EDARADD: variants seen among roughly 807,000 people sequenced by gnomAD.
EDARADD encodes ectodysplasin-A receptor-associated adapter protein.
Under a neutral mutation model 25.6 loss-of-function variants are expected in EDARADD, and 20 were observed. The ratio of observed to expected loss-of-function variants is 0.78; its 90% CI spans 0.55 to 1.14. EDARADD has a LOEUF of 1.14. Among genes scored for constraint, EDARADD ranks in the 50% most tolerant of loss-of-function variants. EDARADD has a pLI of 0.00. For missense variants in EDARADD, 225 were observed against 270.1 expected (o/e 0.83, Z 1.17); for synonymous variants, 86 against 94.4 (o/e 0.91, Z 0.52).
chr1:236,458,641 C>CTTTTTTTT (rs5781887), intron 4 of EDARADD, among the ~76,000 whole-genome samples: 53 of 113,538 alleles, frequency 4.7e-4, no homozygotes, highest in African/African-American at 6.9e-4. Context: ...TTTTCTTTTT[C>CTTTTTTTT]TTTTTTTTTT....
At chr1:236,411,704 G>A (rs1436944006) in intron 2 of EDARADD, among the ~76,000 whole-genome samples, 1 of 151,786 alleles carries the variant, frequency 6.6e-6, no homozygotes, top group Non-Finnish European at 1.5e-5. Context: ...GCCCACCAAC[G>A]GGCCTGGCTA....
At position 236,395,622 on chromosome 1, in the gene EDARADD, C is replaced by T; in HGVS notation, c.61+1117C>T. The T allele has an allele frequency of 6.4e-7, 1 of 1,569,062 alleles. No homozygotes were observed. The highest frequency in any genetic ancestry group is 8.6e-7 in the Non-Finnish European group (1 of 1,159,366). On this transcript the variant is annotated intron_variant, in intron 1 of 5. Coordinates refer to ENST00000334232, the MANE Select transcript of EDARADD (RefSeq NM_145861.4). The surrounding 1 kb of genome is among the most constrained non-coding windows in gnomAD (Gnocchi z 6.9). The stretch of plus-strand genomic sequence containing the variant: ...GCTCGGACGCTCGTTTGCCCCTAAC[C>T]CGCCGCCATGGCTTCACCGGACGAC...
At chr1:236,456,586 A>C (rs1658870739) in intron 4 of EDARADD, among the ~76,000 whole-genome samples, 1 of 151,922 alleles carries the variant, frequency 6.6e-6, no homozygotes. Context: ...TGACCTTGCC[A>C]TGACCTTCCT....
In EDARADD at chr1:236,395,677, C is replaced by A; in HGVS notation, c.61+1172C>A. ...TGCGCGCAGGTAAAGGGACACAGCG[C>A]CGCGCCCGCTCCTGGAGCGAGCACC... On this transcript the variant is annotated intron_variant, in intron 1 of 5. Coordinates refer to ENST00000334232, the MANE Select transcript of EDARADD (RefSeq NM_145861.4). The surrounding 1 kb of genome is among the most constrained non-coding windows in gnomAD (Gnocchi z 6.9). The A allele has an allele frequency of 6.4e-7, 1 of 1,563,852 alleles. No homozygotes were observed.
At position 236,460,949 on chromosome 1, in the gene EDARADD, A is replaced by G. The variant is rs113756330; in HGVS notation, c.220-7282A>G. Among the ~76,000 whole-genome samples, 665 of 152,078 alleles carry G rather than the reference A, an allele frequency of 4.4e-3. 6 individuals carry two copies. The highest frequency in any genetic ancestry group is 0.015 in the African/African-American group (632 of 41,490). ...CGATTCTCCTGCCTCAGCCTCCAGAATAGCTGCGATTACAGGCACCTGCCA... is the reference window on the plus strand; with the variant it reads ...CGATTCTCCTGCCTCAGCCTCCAGAGTAGCTGCGATTACAGGCACCTGCCA... On this transcript the variant is annotated intron_variant, in intron 4 of 5. Transcript: ENST00000334232.
intron 1 of EDARADD, among the ~76,000 whole-genome samples, chr1:236,400,344 G>A (rs998169307): frequency 1.3e-5 from 2 of 152,080 alleles, no homozygotes; most frequent in African/African-American, 4.8e-5. Flanking sequence ...GCCCTCCAGA[G>A]AGGTTGCTGT....
intron 4 of EDARADD, among the ~76,000 whole-genome samples, chr1:236,446,197 G>C (rs185447694): frequency 1.3e-3 from 200 of 152,262 alleles, no homozygotes; most frequent in Non-Finnish European, 2.5e-3. Flanking sequence ...TCTCCCCTCT[G>C]TTACCCAGAC....
Position 236,484,031 on chromosome 1 carries a change from G to T in EDARADD, c.*1382G>T. 1 of 1,519,368 alleles carries T rather than the reference G, an allele frequency of 6.6e-7. No individual in the cohort carries two copies. The highest frequency in any genetic ancestry group is 1.1e-5 in the South Asian group (1 of 89,148). The allele number at this position is 1,519,368 out of a possible 1,614,324, so 94.1% of individuals were successfully genotyped here. A position where few individuals can be genotyped will look rare whatever the true frequency, so the allele number is the denominator to read the frequency against. Reference sequence around the variant, plus strand: ...AGTCCTTCATCAAAAACTACCCAGTGGTGTCTACTGAAGATCCCTTTGACC... The same window carrying T: ...AGTCCTTCATCAAAAACTACCCAGTTGTGTCTACTGAAGATCCCTTTGACC... On this transcript the variant is annotated 3_prime_UTR_variant, in exon 6 of 6. Coordinates refer to ENST00000334232, the MANE Select transcript of EDARADD (RefSeq NM_145861.4). This position sits in a 1 kb window ranked among gnomAD's most constrained non-coding sequence, Gnocchi z 4.1.
chr1:236,411,842 T>C (rs1657493032), intron 2 of EDARADD, among the ~76,000 whole-genome samples: 1 of 152,182 alleles, frequency 6.6e-6, no homozygotes, highest in South Asian at 2.1e-4. Context: ...TGAGCCACCA[T>C]GCCTGGCCCT....
intron 3 of EDARADD, among the ~76,000 whole-genome samples, chr1:236,371,609 G>A (rs1191050558): frequency 5.4e-5 from 8 of 147,024 alleles, no homozygotes; most frequent in East Asian, 2.0e-4. Flanking sequence ...TGCTCTTGTC[G>A]CTCAGACTGC....
intron 1 of EDARADD, among the ~76,000 whole-genome samples, chr1:236,405,279 C>T (rs1014874550): frequency 2.6e-5 from 4 of 152,166 alleles, no homozygotes; most frequent in African/African-American, 9.7e-5. Flanking sequence ...CAGACCGAAG[C>T]AAGAGACTTT....
intron 3 of EDARADD, among the ~76,000 whole-genome samples, chr1:236,360,096 C>T (rs1308464889): frequency 6.6e-6 from 1 of 152,000 alleles, no homozygotes; most frequent in Non-Finnish European, 1.5e-5. Flanking sequence ...AGGAGGATGG[C>T]TTGAGGCCAG....
In EDARADD at chr1:236,460,885, C is replaced by T. The variant is rs543104158; in HGVS notation, c.220-7346C>T. Among the ~76,000 whole-genome samples the T allele has an allele frequency of 9.2e-5, 14 of 152,134 alleles. No individual in the cohort carries two copies. The East Asian group carries it at 1.9e-3, about 21-fold the overall frequency. On this transcript the variant is annotated intron_variant, in intron 4 of 5. Coordinates refer to ENST00000334232, the MANE Select transcript of EDARADD (RefSeq NM_145861.4). Reference sequence around the variant, plus strand: ...TCACCCAAGCTGGAGTCCACTGGCGCGATCTTGGCTCACTACAACCTCTGC... The same window carrying T: ...TCACCCAAGCTGGAGTCCACTGGCGTGATCTTGGCTCACTACAACCTCTGC...
At chr1:236,399,208 A>C (rs781294051) in intron 1 of EDARADD, among the ~76,000 whole-genome samples, 4 of 152,002 alleles carry the variant, frequency 2.6e-5, no homozygotes, top group Non-Finnish European at 5.9e-5. Flanking sequence ...TTGAGACAGA[A>C]TCTCACTCTG....
chr1:236,433,799 G>A (rs1658170484), intron 4 of EDARADD, among the ~76,000 whole-genome samples: 1 of 151,796 alleles, frequency 6.6e-6, no homozygotes, highest in South Asian at 2.1e-4. Flanking sequence ...GAACCCAGGA[G>A]GCAGAGGTTG....
In EDARADD at chr1:236,483,632, T is replaced by A; in HGVS notation, c.*983T>A. The A allele has an allele frequency of 1.3e-6, 2 of 1,563,908 alleles. No individual in the cohort carries two copies. Among genetic ancestry groups the A allele is most frequent in the Non-Finnish European group, 1.8e-6 (2 of 1,136,270 alleles). ...CGGTGTTCAATGTCATCAATGGCAG[T>A]TCTCATGCTGTCACCAAGCTGGCCA... On this transcript the variant is annotated 3_prime_UTR_variant, in exon 6 of 6. Coordinates refer to ENST00000334232, the MANE Select transcript of EDARADD (RefSeq NM_145861.4).
At chr1:236,352,258 T>C (rs756326820) in intron 3 of EDARADD, among the ~76,000 whole-genome samples, 1 of 152,206 alleles carries the variant, frequency 6.6e-6, no homozygotes, top group Non-Finnish European at 1.5e-5. Flanking sequence ...TTGGTTAGGT[T>C]ATTATCTCTG....
At position 236,395,177 on chromosome 1, in the gene EDARADD, C is replaced by T. The variant is rs1424658921; in HGVS notation, c.61+672C>T. On this transcript the variant is annotated intron_variant, in intron 1 of 5. Coordinates refer to ENST00000334232, the MANE Select transcript of EDARADD (RefSeq NM_145861.4). The surrounding 1 kb of genome is among the most constrained non-coding windows in gnomAD (Gnocchi z 6.9). ...CAGGAAAGCGACCCGCGACTGCAGC[C>T]GTTTCTTAAGGCCAGTCCTTCGCTC... 6.6e-6 allele frequency among the ~76,000 whole-genome samples: 1 copy of T among 152,192 alleles called. No individual in the cohort carries two copies. Among genetic ancestry groups the T allele is most frequent in the Non-Finnish European group, 1.5e-5 (1 of 68,030 alleles).
At chr1:236,439,578 TA>T (rs747553070) in intron 4 of EDARADD, among the ~76,000 whole-genome samples, 3 of 152,240 alleles carry the variant, frequency 2.0e-5, no homozygotes, top group African/African-American at 2.4e-5. Context: ...ATTGTTGTTT[TA>T]ATTTGTATTT....
Sources: gnomAD v4.1 joint callset for allele counts (sites outside exome capture counted in the v4.1 genomes callset) on GRCh38, gnomAD v4.1.1 for gene constraint, Gnocchi (gnomAD v3.1) non-coding constraint, MANE v1.5 for transcripts, NCBI Gene and HGNC (gene_info 2026-07-23, HGNC 2026-07-21) for gene names.